Variants in RGSL1 observed in about 807,000 individuals in gnomAD.
RGSL1 encodes the protein regulator of G protein signaling like 1.
Under a neutral mutation model 124.7 loss-of-function variants are expected in RGSL1, and 97 were observed. The observed-to-expected ratio is 0.78, with a 90% CI of 0.66 to 0.92. RGSL1 has a LOEUF of 0.92. Among genes scored for constraint, RGSL1 ranks in the 40% least tolerant of loss-of-function variants. RGSL1 has a pLI of 0.00. For missense variants in RGSL1, 1,233 were observed against 1,288.4 expected, an observed-to-expected ratio of 0.96 and a Z score of 0.66; for synonymous variants, 424 against 438.1, an observed-to-expected ratio of 0.97 and a Z score of 0.40.
rs1652062423 is a variant in RGSL1, at chr1:182,453,965, T to C, written c.21T>C (p.Ile7=). 1 of 1,498,136 alleles carries C rather than the reference T, an allele frequency of 6.7e-7. No homozygotes were observed. Among genetic ancestry groups the C allele is most frequent in the Non-Finnish European group, 9.1e-7 (1 of 1,098,702 alleles). 92.8% of individuals were successfully genotyped at this position (1,498,136 alleles called of 1,614,324 possible). A position where few individuals can be genotyped will look rare whatever the true frequency, so the allele number is the denominator to read the frequency against. MSSAEI[I]GSTNLIILLE... is the part of the protein sequence containing the mutation. ...TTCTCTCTCTCCATATAGAGATAAT[T>C]GGTTCTACAAATCTTATAATTCTGC... Residue 7 remains isoleucine, a synonymous_variant, in exon 2 of 22, where the codon ATT becomes ATC. Coordinates refer to ENST00000294854, the MANE Select transcript of RGSL1 (RefSeq NM_001137669.2).
At chr1:182,524,440 G>C (rs867583515) in intron 10 of RGSL1, among the ~76,000 whole-genome samples, 1 of 152,128 alleles carries the variant, frequency 6.6e-6, no homozygotes, top group East Asian at 1.9e-4. Context: ...GCAATGAAGG[G>C]AGAAAATCAG....
intron 8 of RGSL1, among the ~76,000 whole-genome samples, chr1:182,492,404 CT>C (rs1655596553): frequency 6.6e-6 from 1 of 152,260 alleles, no homozygotes; most frequent in Admixed American, 6.5e-5. Context: ...TGAGTTACTT[CT>C]CATATATGAA....
At position 182,465,266 on chromosome 1, in the gene RGSL1, A is replaced by G. The variant is rs994343864; in HGVS notation, c.301+5133A>G. Among the ~76,000 whole-genome samples the G allele has an allele frequency of 3.3e-5, 5 of 152,176 alleles. No homozygotes were observed. In the East Asian group the frequency reaches 9.6e-4, roughly 29 times the overall value. On this transcript the variant is annotated intron_variant, in intron 4 of 21. Coordinates refer to ENST00000294854, the MANE Select transcript of RGSL1 (RefSeq NM_001137669.2). ...AAAAGATATAGAAAATCTGAGTAGAATGGAATACTATGCAGCCATAAAAAA... is the reference window on the plus strand; with the variant it reads ...AAAAGATATAGAAAATCTGAGTAGAGTGGAATACTATGCAGCCATAAAAAA...
At position 182,532,774 on chromosome 1, in the gene RGSL1, TGC is replaced by T; in HGVS notation, c.2478_2479del (p.Met826IlefsTer3). The T allele has an allele frequency of 6.4e-7, 1 of 1,550,458 alleles. No individual in the cohort carries two copies. The highest frequency in any genetic ancestry group is 8.7e-7 in the Non-Finnish European group (1 of 1,146,136). ...TTTGAAGACTATCTTCACCAGGAAATGCAAAATAGCAAGGAAAGTAAGTCATT... is the reference window on the plus strand; with the variant it reads ...TTTGAAGACTATCTTCACCAGGAAATAAAATAGCAAGGAAAGTAAGTCATT... On this transcript the variant is annotated frameshift_variant, in exon 14 of 22. Coordinates refer to ENST00000294854, the MANE Select transcript of RGSL1 (RefSeq NM_001137669.2). LOFTEE classifies it high-confidence loss of function.
intron 4 of RGSL1, among the ~76,000 whole-genome samples, chr1:182,469,989 G>A (rs1031644960): frequency 3.9e-5 from 6 of 152,100 alleles, no homozygotes; most frequent in Non-Finnish European, 7.4e-5. Context: ...AATGGTGGTT[G>A]TCAGGAGCTG....
intron 9 of RGSL1, among the ~76,000 whole-genome samples, chr1:182,494,980 T>G (rs538228997): frequency 6.6e-6 from 1 of 152,372 alleles, no homozygotes; most frequent in East Asian, 1.9e-4. Flanking sequence ...ATCAATCACT[T>G]ATAAGCCCCG....
At chr1:182,542,651 G>T (rs1011632731) in intron 15 of RGSL1, among the ~76,000 whole-genome samples, 1 of 151,986 alleles carries the variant, frequency 6.6e-6, no homozygotes, top group Non-Finnish European at 1.5e-5. Context: ...AAATTTCTTT[G>T]GTTAGTGTAG....
At chr1:182,503,974 C>CTTTTTTT (rs71124902) in intron 9 of RGSL1, among the ~76,000 whole-genome samples, 2 of 118,242 alleles carry the variant, frequency 1.7e-5, no homozygotes. Flanking sequence ...TTTGTAATTT[C>CTTTTTTT]TTTTTTTTTT....
chr1:182,465,146 AGAAGAGTACTCT>A (rs777197901), intron 4 of RGSL1, among the ~76,000 whole-genome samples: 17 of 148,548 alleles, frequency 1.1e-4, no homozygotes, highest in Middle Eastern at 3.2e-3. Context: ...AAAGGATTAT[AGAAGAGTACTCT>A]GAACAATTGT....
Position 182,473,746 on chromosome 1 carries a change from T to C in RGSL1, c.635T>C (p.Met212Thr), listed in dbSNP as rs1392210971. 1 of 1,551,776 alleles carries C rather than the reference T, an allele frequency of 6.4e-7. No homozygotes were observed. The highest frequency in any genetic ancestry group is 2.4e-5 in the East Asian group (1 of 40,880). ...MAKEEACHGL[M>T]QEYETRLYSV... ...AAGGAGGAAGCATGCCATGGTCTGA[T>C]GCAAGAGTACGAGACTCGCTTATAC... Residue 212 changes from methionine to threonine, a missense_variant, in exon 6 of 22, where the codon ATG (methionine) becomes ACG (threonine). Coordinates refer to ENST00000294854, the MANE Select transcript of RGSL1 (RefSeq NM_001137669.2).
intron 19 of RGSL1, among the ~76,000 whole-genome samples, chr1:182,553,820 T>A (rs1486198664): frequency 6.6e-6 from 1 of 152,170 alleles, no homozygotes; most frequent in Non-Finnish European, 1.5e-5. Flanking sequence ...CTTCTCTATA[T>A]CTCTGCTGAC....
chr1:182,448,874 A>G (rs1651629167), upstream of RGSL1, among the ~76,000 whole-genome samples: 1 of 152,194 alleles, frequency 6.6e-6, no homozygotes. Context: ...ACTGTGGGAA[A>G]GACGGTGGGG....
intron 21 of RGSL1, among the ~76,000 whole-genome samples, chr1:182,558,428 T>G (rs897474775): frequency 5.3e-5 from 8 of 152,194 alleles, no homozygotes; most frequent in Non-Finnish European, 1.0e-4. Flanking sequence ...ACAACACAAA[T>G]TATTATTTTA....
At chr1:182,524,765 T>G (rs1334229905) in intron 10 of RGSL1, among the ~76,000 whole-genome samples, 1 of 152,176 alleles carries the variant, frequency 6.6e-6, no homozygotes, top group East Asian at 1.9e-4. Flanking sequence ...AAACCGATAG[T>G]AAGCCTTGTG....
rs1322225076 is a variant in RGSL1, at chr1:182,527,736, G to A, written c.2089G>A (p.Val697Ile). 6.4e-7 allele frequency: 1 copy of A among 1,550,864 alleles called. No homozygotes were observed. The highest frequency in any genetic ancestry group is 8.7e-7 in the Non-Finnish European group (1 of 1,146,644). Residue 697 changes from valine (V) to isoleucine (I), a missense_variant, in exon 11 of 22, where the codon GTA (valine) becomes ATA (isoleucine). Transcript: ENST00000294854. ...GATTTGCAAGTCTCTCATAGAAAAT[G>A]TAATCAAGACTTTCTTCCAAGGCCA... ...EKICKSLIEN[V>I]IKTFFQGQLS...
Position 182,474,039 on chromosome 1 carries a change from A to C in RGSL1, c.928A>C (p.Lys310Gln). 2 of 1,551,822 alleles carry C rather than the reference A, an allele frequency of 1.3e-6. No individual in the cohort carries two copies. Among genetic ancestry groups the C allele is most frequent in the Non-Finnish European group, 1.7e-6 (2 of 1,147,008 alleles). ...GGAAACAAGAATCAGTTCCCTGGAAAAGGATATGCATTATGCAAAAATATC... is the reference window on the plus strand; with the variant it reads ...GGAAACAAGAATCAGTTCCCTGGAACAGGATATGCATTATGCAAAAATATC... ...SKETRISSLE[K>Q]DMHYAKISSM... The change falls in exon 6 of 22, where the codon AAG (lysine) becomes CAG (glutamine). Residue 310 changes from lysine (K) to glutamine (Q), a missense_variant. Physicochemically the swap from Lys to Gln is moderately conservative, Grantham distance 53. Coordinates refer to ENST00000294854, the MANE Select transcript of RGSL1 (RefSeq NM_001137669.2).
chr1:182,460,553 T>C (rs766449934), intron 4 of RGSL1: 62 of 435,134 alleles, frequency 1.4e-4, no homozygotes, highest in Non-Finnish European at 2.7e-4. Context: ...GCCTCCAGAA[T>C]TTCTTACCTA....
chr1:182,527,429 A>C, intron 10 of RGSL1, 150 bp from the exon 11 acceptor site: 1 of 607,274 alleles, frequency 1.6e-6, no homozygotes, highest in Non-Finnish European at 2.8e-6. Flanking sequence ...CCAAAGAAAT[A>C]GACAGATTTA....
intron 9 of RGSL1, among the ~76,000 whole-genome samples, chr1:182,515,546 A>G (rs1657805155): frequency 1.1e-5 from 1 of 92,272 alleles, no homozygotes; most frequent in South Asian, 3.1e-4. Flanking sequence ...AAAGTAAAAA[A>G]AAAAAAAGGG....
Sources: gnomAD v4.1 joint callset for allele counts (sites outside exome capture counted in the v4.1 genomes callset) on GRCh38, gnomAD v4.1.1 for gene constraint, MANE v1.5 for transcripts, NCBI Gene and HGNC (gene_info 2026-07-23, HGNC 2026-07-21) for gene names.